The following PCSK2 variants were observed in gnomAD, a reference collection of about 807,000 sequenced individuals.
The protein encoded by PCSK2 is neuroendocrine convertase 2.
Under a neutral mutation model 69.7 loss-of-function variants are expected in PCSK2, and 14 were observed. The observed-to-expected ratio is 0.20, with a 90% confidence interval of 0.13 to 0.31. PCSK2 has a LOEUF of 0.31. Ranked by LOEUF, PCSK2 falls within the 10% of genes least tolerant of loss-of-function variation. The probability of loss-of-function intolerance (pLI) is 1.00; values close to 1 mark genes in which losing one functional copy is unlikely to be tolerated. For missense variants in PCSK2, 544 were observed against 842.5 expected, an observed-to-expected ratio of 0.65 and a Z score of 4.39; for synonymous variants, 307 against 320.7, an observed-to-expected ratio of 0.96 and a Z score of 0.46.
chr20:17,269,467 C>T (rs1171761668), intron 2 of PCSK2, among the ~76,000 whole-genome samples: 3 of 152,156 alleles, frequency 2.0e-5, no homozygotes, highest in African/African-American at 7.2e-5. Flanking sequence ...GTAACTTGGC[C>T]ATCCCTATAA....
intron 5 of PCSK2, among the ~76,000 whole-genome samples, chr20:17,373,415 C>T (rs2030832505): frequency 6.6e-6 from 1 of 152,266 alleles, no homozygotes; most frequent in South Asian, 2.1e-4. Context: ...AAAGATGTTC[C>T]TACCTCCCCA....
chr20:17,480,283 G>A (rs1036423314), intron 11 of PCSK2, among the ~76,000 whole-genome samples: 19 of 144,810 alleles, frequency 1.3e-4, no homozygotes, highest in Admixed American at 8.7e-4. Context: ...TCCGCCTCCC[G>A]GGTTCAAGCC....
intron 1 of PCSK2, among the ~76,000 whole-genome samples, chr20:17,242,975 C>T (rs1986638930): frequency 6.6e-6 from 1 of 152,166 alleles, no homozygotes; most frequent in African/African-American, 2.4e-5. Context: ...GCCACTCTAC[C>T]TCTGGGAATG....
At chr20:17,338,174 G>C (rs569073562) in intron 2 of PCSK2, among the ~76,000 whole-genome samples, 14 of 144,434 alleles carry the variant, frequency 9.7e-5, no homozygotes, top group South Asian at 2.3e-4. Flanking sequence ...TTTTTTTTGG[G>C]GGGGGGGGTT....
chr20:17,373,669 C>G (rs1313903103), intron 5 of PCSK2, among the ~76,000 whole-genome samples: 4 of 152,226 alleles, frequency 2.6e-5, no homozygotes, highest in African/African-American at 9.6e-5. Context: ...ACTTTATAAT[C>G]AAACCAACCA....
At chr20:17,333,913 A>ACACAAAC (rs1385907322) in intron 2 of PCSK2, among the ~76,000 whole-genome samples, 1 of 71,448 alleles carries the variant, frequency 1.4e-5, no homozygotes, top group African/African-American at 4.7e-5. Flanking sequence ...GTCACTGCAT[A>ACACAAAC]TATATATATA....
At chr20:17,253,423 G>A (rs1171982567) in intron 1 of PCSK2, among the ~76,000 whole-genome samples, 1 of 152,098 alleles carries the variant, frequency 6.6e-6, no homozygotes, top group African/African-American at 2.4e-5. Flanking sequence ...CTATAGATTT[G>A]TCTATTCTGG....
At chr20:17,294,931 T>G (rs1210302916) in intron 2 of PCSK2, among the ~76,000 whole-genome samples, 1 of 152,150 alleles carries the variant, frequency 6.6e-6, no homozygotes, top group African/African-American at 2.4e-5. Flanking sequence ...CCTCCCTTCC[T>G]TTACTTCTTT....
At chr20:17,425,500 T>G (rs759531671) in intron 6 of PCSK2, among the ~76,000 whole-genome samples, 4 of 152,236 alleles carry the variant, frequency 2.6e-5, no homozygotes, top group Non-Finnish European at 4.4e-5. Flanking sequence ...TTTATGTCAC[T>G]TATTATTAGA....
chr20:17,345,824 C>A (rs1443352443), intron 2 of PCSK2, among the ~76,000 whole-genome samples: 1 of 152,126 alleles, frequency 6.6e-6, no homozygotes, highest in Admixed American at 6.5e-5. Context: ...CTCCACCCAC[C>A]CATCTCCCCC....
intron 8 of PCSK2, among the ~76,000 whole-genome samples, chr20:17,441,701 T>A (rs2032600275): frequency 6.6e-6 from 1 of 151,880 alleles, no homozygotes; most frequent in Non-Finnish European, 1.5e-5. Flanking sequence ...TCATAAGACT[T>A]ATTCACTATC....
intron 2 of PCSK2, among the ~76,000 whole-genome samples, chr20:17,295,450 T>C (rs1296626296): frequency 6.6e-6 from 1 of 151,470 alleles, no homozygotes; most frequent in Admixed American, 6.6e-5. Context: ...TACAGATTTG[T>C]CCCTAATTTT....
intron 7 of PCSK2, among the ~76,000 whole-genome samples, chr20:17,432,304 ATCT>A (rs2032383965): frequency 2.0e-5 from 3 of 151,914 alleles, no homozygotes; most frequent in South Asian, 4.2e-4. Flanking sequence ...CAATGCAAAG[ATCT>A]TCTCCTTCAT....
intron 5 of PCSK2, among the ~76,000 whole-genome samples, chr20:17,393,284 T>A (rs1395779576): frequency 2.0e-5 from 3 of 152,194 alleles, no homozygotes; most frequent in Non-Finnish European, 4.4e-5. Context: ...AAATTTTGTA[T>A]CTTAAAAGTT....
chr20:17,261,278 G>A (rs547084285), intron 2 of PCSK2, among the ~76,000 whole-genome samples: 1 of 152,336 alleles, frequency 6.6e-6, no homozygotes, highest in South Asian at 2.1e-4. Context: ...CTGATGAAAA[G>A]CGTGTCAGAT....
At chr20:17,418,876 C>T (rs570528004) in intron 6 of PCSK2, among the ~76,000 whole-genome samples, 13 of 152,202 alleles carry the variant, frequency 8.5e-5, no homozygotes, top group Non-Finnish European at 5.9e-5. Flanking sequence ...TGCTGAGCAG[C>T]GATAGGCTTG....
chr20:17,332,901 T>C (rs941913300), intron 2 of PCSK2, among the ~76,000 whole-genome samples: 4 of 152,212 alleles, frequency 2.6e-5, no homozygotes, highest in Non-Finnish European at 4.4e-5. Flanking sequence ...TCCTACCTTA[T>C]TTTGGGCTTT....
chr20:17,334,889 C>T (rs184388550), intron 2 of PCSK2, among the ~76,000 whole-genome samples: 29 of 152,286 alleles, frequency 1.9e-4, no homozygotes, highest in African/African-American at 6.3e-4. Context: ...TCTTTACAAA[C>T]GCATTAGCAT....
At chr20:17,479,268 A>T (rs2033347051) in intron 11 of PCSK2, 5 of 1,087,970 alleles carry the variant, frequency 4.6e-6, no homozygotes, top group Non-Finnish European at 7.1e-6. Flanking sequence ...CAGCTTAGGC[A>T]GATGTGTTAA....
Sources: gnomAD v4.1 joint callset for allele counts (sites outside exome capture counted in the v4.1 genomes callset) on GRCh38, gnomAD v4.1.1 for gene constraint, MANE v1.5 for transcripts, NCBI Gene and HGNC (gene_info 2026-07-23, HGNC 2026-07-21) for gene names.